ABHD1: variants seen among roughly 807,000 people sequenced by gnomAD.
The protein encoded by ABHD1 is protein ABHD1.
A neutral mutation model predicts 41.4 loss-of-function variants in ABHD1; 47 were observed. The ratio of observed to expected loss-of-function variants is 1.13; its 90% confidence interval spans 0.90 to 1.45. The LOEUF is 1.45. Among genes scored for constraint, ABHD1 ranks in the 40% most tolerant of loss-of-function variants. The pLI, the probability that ABHD1 is intolerant of heterozygous loss-of-function variation, is 0.00. For missense variants in ABHD1, 550 were observed against 503.4 expected, an observed-to-expected ratio of 1.09 and a Z score of -0.89; for synonymous variants, 205 against 203.7, an observed-to-expected ratio of 1.01 and a Z score of -0.05.
rs9797959 is a variant in ABHD1, at chr2:27,127,267, C to T, written c.115-1174C>T. On this transcript the variant is annotated intron_variant, in intron 1 of 8. Transcript: ENST00000316470. ...TTTTTTTTTTTTTTTTTTTTTAAGA[C>T]GGTGTTGCTGGGCACAGTGGCTCAC... Among the ~76,000 whole-genome samples, 2,047 of 101,676 alleles carry T rather than the reference C, an allele frequency of 0.02. 195 individuals carry two copies. In the Admixed American group the frequency reaches 0.2, roughly 10 times the overall value. 66.7% of individuals were successfully genotyped at this position (101,676 alleles called of 152,430 possible). A position where few individuals can be genotyped will look rare whatever the true frequency, so the allele number is the denominator to read the frequency against.
At chr2:27,127,227 T>A (rs1288251811) in intron 1 of ABHD1, among the ~76,000 whole-genome samples, 1 of 145,142 alleles carries the variant, frequency 6.9e-6, no homozygotes, top group African/African-American at 2.5e-5. Context: ...GAAGACAGTG[T>A]AGCTTCATCT....
In ABHD1 at chr2:27,129,354, A is replaced by T. The variant is rs1163160060; in HGVS notation, c.497A>T (p.Glu166Val). The T allele has an allele frequency of 6.2e-7, 1 of 1,613,956 alleles. No individual in the cohort carries two copies. ...AACAACCGGGGCTGCCGTGGGGAGGAACTGCGGGTGAGTAGCTGCCTTCCT... is the reference window on the plus strand; with the variant it reads ...AACAACCGGGGCTGCCGTGGGGAGGTACTGCGGGTGAGTAGCTGCCTTCCT... ...VFNNRGCRGE[E>V]LRTHRAFCAS... The change falls in exon 4 of 9, where the codon GAA becomes GTA. Residue 166 changes from glutamate to valine, a missense_variant. Transcript: ENST00000316470.
At chr2:27,129,434 C>G in intron 4 of ABHD1, 73 bp downstream of exon 4, 1 of 1,611,556 alleles carries the variant, frequency 6.2e-7, no homozygotes. Flanking sequence ...GGGCTCACCT[C>G]CTACCTATCC....
Position 27,129,056 on chromosome 2 carries a change from T to C in ABHD1, c.387T>C (p.Pro129=), listed in dbSNP as rs1672100740. ...CCCAGCCCATTGTGCTGCTGCTTCCTGGCATCACTGGCAGTAGCCAGGAGA... is the reference window on the plus strand; with the variant it reads ...CCCAGCCCATTGTGCTGCTGCTTCCCGGCATCACTGGCAGTAGCCAGGAGA... ...PTTQPIVLLL[P]GITGSSQETY... The change falls in exon 3 of 9, where the codon CCT becomes CCC. Residue 129 remains proline (P), a synonymous_variant. Transcript: ENST00000316470. 6.2e-7 allele frequency: 1 copy of C among 1,614,042 alleles called. No homozygotes were observed. The highest frequency in any genetic ancestry group is 1.7e-5 in the Admixed American group (1 of 60,002).
Position 27,129,084 on chromosome 2 carries a change from T to C in ABHD1, c.415T>C (p.Tyr139His), listed in dbSNP as rs1360912173. ...PGITGSSQET[Y>H]VLHLVNQALR... is the part of the protein sequence containing the mutation. ...CATCACTGGCAGTAGCCAGGAGACA[T>C]ACGTCTTGCACCTAGTTAACCAAGC... is the stretch of plus-strand genomic sequence containing the variant. Residue 139 changes from tyrosine to histidine, a missense_variant, in exon 3 of 9, where the codon TAC becomes CAC. Transcript: ENST00000316470. 3 of 1,613,932 alleles carry C rather than the reference T, an allele frequency of 1.9e-6. No homozygotes were observed. Among genetic ancestry groups the C allele is most frequent in the South Asian group, 1.1e-5 (1 of 91,088 alleles).
intron 1 of ABHD1, chr2:27,124,831 T>C (rs910653723): frequency 3.9e-5 from 6 of 154,668 alleles, no homozygotes; most frequent in African/African-American, 1.4e-4. Context: ...TACATTAGCA[T>C]ATATTGTTTA....
intron 1 of ABHD1, chr2:27,124,287 A>G (rs1671865353): frequency 1.6e-6 from 1 of 636,500 alleles, no homozygotes; most frequent in Non-Finnish European, 2.9e-6. Context: ...GCTCCCTATA[A>G]TGTGGACAAG....
intron 1 of ABHD1, among the ~76,000 whole-genome samples, chr2:27,128,094 G>A (rs536529594): frequency 4.6e-5 from 7 of 152,246 alleles, no homozygotes; most frequent in African/African-American, 1.7e-4. Context: ...GACCACAGGC[G>A]CACACCACTG....
chr2:27,127,381 C>A (rs112037986), intron 1 of ABHD1, among the ~76,000 whole-genome samples: 4 of 145,940 alleles, frequency 2.7e-5, no homozygotes, highest in African/African-American at 1.0e-4. Flanking sequence ...AGTGAAACCC[C>A]GTCTCTACTG....
chr2:27,126,806 A>C (rs1329042936), intron 1 of ABHD1: 1 of 152,234 alleles, frequency 6.6e-6, no homozygotes, highest in Non-Finnish European at 1.5e-5. Flanking sequence ...TCCCCGGTAG[A>C]AAGAAGCCCC....
intron 1 of ABHD1, chr2:27,124,411 A>G (rs1558471570): frequency 2.6e-6 from 1 of 377,720 alleles, no homozygotes. Flanking sequence ...GGAAGGAACC[A>G]GAGGTCTGTG....
At chr2:27,126,195 A>G (rs756861594) in intron 1 of ABHD1, 1 of 152,216 alleles carries the variant, frequency 6.6e-6, no homozygotes, top group Non-Finnish European at 1.5e-5. Context: ...AACTCAACAA[A>G]TCTTACCTAC....
At chr2:27,125,915 AAAAAG>A (rs894295684) in intron 1 of ABHD1, 2 of 152,012 alleles carry the variant, frequency 1.3e-5, no homozygotes, top group African/African-American at 4.8e-5. Context: ...AAAAAAAAAA[AAAAAG>A]GATAGCAACT....
chr2:27,124,189 G>A (rs972210958), intron 1 of ABHD1, 127 bp downstream of exon 1: 4 of 852,786 alleles, frequency 4.7e-6, no homozygotes, highest in Non-Finnish European at 3.9e-6. Flanking sequence ...TGCTACCACC[G>A]AATGGAGAGT....
chr2:27,125,006 T>C (rs1299630429), intron 1 of ABHD1: 2 of 152,100 alleles, frequency 1.3e-5, no homozygotes, highest in Admixed American at 1.3e-4. Flanking sequence ...CCAGGCATGG[T>C]GGCACATGCC....
At chr2:27,128,180 C>G (rs1268407916) in intron 1 of ABHD1, among the ~76,000 whole-genome samples, 3 of 152,212 alleles carry the variant, frequency 2.0e-5, no homozygotes, top group Non-Finnish European at 2.9e-5. Flanking sequence ...AAAGTCAGCA[C>G]TCAGTCAACT....
chr2:27,130,582 C>T lies in ABHD1; in HGVS notation c.1056C>T (p.Ile352=). ...ACTCCCCCTACGTTGCGCTGCTCATCACAGCCCGGGGTGGCCACATCGGCT... is the reference window on the plus strand; with the variant it reads ...ACTCCCCCTACGTTGCGCTGCTCATTACAGCCCGGGGTGGCCACATCGGCT... ...AQHSPYVALL[I]TARGGHIGFL... Residue 352 remains isoleucine (I), a synonymous_variant, in exon 9 of 9, where the codon ATC becomes ATT. Coordinates refer to ENST00000316470, the MANE Select transcript of ABHD1 (RefSeq NM_032604.4). The T allele has an allele frequency of 6.2e-7, 1 of 1,614,202 alleles. No homozygotes were observed. The highest frequency in any genetic ancestry group is 1.1e-5 in the South Asian group (1 of 91,086).
In ABHD1 at chr2:27,130,339, C is replaced by G; in HGVS notation, c.929C>G (p.Pro310Arg). 6.2e-7 allele frequency: 1 copy of G among 1,614,186 alleles called. No individual in the cohort carries two copies. Among genetic ancestry groups the G allele is most frequent in the Non-Finnish European group, 8.5e-7 (1 of 1,180,048 alleles). ...DCVTYYKAASPRTKIDAIRIP... is the reference protein window; with the variant it reads ...DCVTYYKAASRRTKIDAIRIP... ...GTTACCTACTACAAAGCAGCAAGCC[C>G]TAGAACCAAGATAGATGCCATCCGG... is the stretch of plus-strand genomic sequence containing the variant. The change falls in exon 8 of 9, where the codon CCT becomes CGT. Residue 310 changes from proline to arginine, a missense_variant. Coordinates refer to ENST00000316470, the MANE Select transcript of ABHD1 (RefSeq NM_032604.4).
chr2:27,124,324 C>A, intron 1 of ABHD1: 1 of 574,204 alleles, frequency 1.7e-6, no homozygotes, highest in South Asian at 1.6e-5. Flanking sequence ...GGGTGGAAGG[C>A]ATCCTGAGGT....
Sources: gnomAD v4.1 joint callset for allele counts (sites outside exome capture counted in the v4.1 genomes callset) on GRCh38, gnomAD v4.1.1 for gene constraint, MANE v1.5 for transcripts, NCBI Gene and HGNC (gene_info 2026-07-23, HGNC 2026-07-21) for gene names.